CNPPD1: variants seen among roughly 807,000 people sequenced by gnomAD.
CNPPD1 encodes cyclin Pas1/PHO80 domain containing 1.
A neutral mutation model predicts 43.7 loss-of-function variants in CNPPD1; 40 were observed. The observed-to-expected ratio is 0.92, with a 90% CI of 0.71 to 1.19. The LOEUF is 1.19. Ranked by LOEUF, CNPPD1 falls within the 50% of genes most tolerant of loss-of-function variation. The pLI, the probability that CNPPD1 is intolerant of heterozygous loss-of-function variation, is 0.00. For synonymous variants in CNPPD1, 208 were observed against 214.3 expected, an observed-to-expected ratio of 0.97 and a Z score of 0.26; for missense variants, 511 against 518.5, an observed-to-expected ratio of 0.99 and a Z score of 0.14.
intron 3 of CNPPD1, 135 bp from the exon 4 acceptor site, chr2:219,175,243 G>T: frequency 8.4e-7 from 1 of 1,190,908 alleles, no homozygotes; most frequent in Non-Finnish European, 1.1e-6. Context: ...GCTCATGTCT[G>T]TAATCCCAGC....
chr2:219,176,699 C>T, intron 1 of CNPPD1, 61 bp downstream of exon 1: 4 of 1,300,482 alleles, frequency 3.1e-6, no homozygotes, highest in Non-Finnish European at 3.2e-6. Context: ...GAGCTCGCAG[C>T]GCCGCTCAGG....
intron 1 of CNPPD1, 150 bp downstream of exon 1, chr2:219,176,610 C>T (rs1400319092): frequency 4.5e-6 from 3 of 673,224 alleles, no homozygotes; most frequent in Non-Finnish European, 7.5e-6. Context: ...CGCGGCTCTC[C>T]CTCCCGGCCC....
chr2:219,174,724 G>A, intron 5 of CNPPD1, 54 bp downstream of exon 5: 2 of 1,529,254 alleles, frequency 1.3e-6, no homozygotes, highest in Middle Eastern at 1.8e-4. Context: ...AAGGACTAAA[G>A]GACGGTTAAA....
In CNPPD1 at chr2:219,172,844, G is replaced by T; in HGVS notation, c.975C>A (p.Asp325Glu). The T allele has an allele frequency of 1.3e-6, 2 of 1,588,144 alleles. No individual in the cohort carries two copies. The highest frequency in any genetic ancestry group is 1.7e-6 in the Non-Finnish European group (2 of 1,166,362). Residue 325 changes from aspartate (D) to glutamate (E), a missense_variant, in exon 8 of 8, where the codon GAC becomes GAA. Asp to Glu is a conservative substitution (Grantham distance 45). Coordinates refer to ENST00000360507, the MANE Select transcript of CNPPD1 (RefSeq NM_015680.6). ...GAAGAAGAGTGGGAGGGGCAGGGGGGTCTGGGGGAGGCAATGGTGGAGGAG... is the reference window on the plus strand; with the variant it reads ...GAAGAAGAGTGGGAGGGGCAGGGGGTTCTGGGGGAGGCAATGGTGGAGGAG... ...SLTPPPLPPPDPPAPPTLLHN... is the reference protein window; with the variant it reads ...SLTPPPLPPPEPPAPPTLLHN...
At chr2:219,175,513 G>C in intron 3 of CNPPD1, 78 bp downstream of exon 3, 1 of 1,231,048 alleles carries the variant, frequency 8.1e-7, no homozygotes, top group Non-Finnish European at 1.2e-6. Context: ...AAAAAAGAAA[G>C]AAAGAAAAGA....
upstream of CNPPD1, chr2:219,177,186 G>A (rs1950187950): frequency 4.7e-6 from 1 of 212,980 alleles, no homozygotes; most frequent in Non-Finnish European, 9.3e-6. Flanking sequence ...AGCCGCGGGG[G>A]TGCCGCCTGC....
chr2:219,172,740 G>C lies in CNPPD1; in HGVS notation c.1079C>G (p.Pro360Arg). The C allele has an allele frequency of 6.2e-7, 1 of 1,612,834 alleles. No individual in the cohort carries two copies. Among genetic ancestry groups the C allele is most frequent in the Non-Finnish European group, 8.5e-7 (1 of 1,179,308 alleles). Reference protein sequence around the residue: ...HACLHPNRTVPTALSSPWYHT... With the variant: ...HACLHPNRTVRTALSSPWYHT... Reference sequence around the variant, plus strand: ...GTACCAGGGGCTGGACAGCGCAGTGGGGACTGTACGGTTGGGGTGGAGGCA... The same window carrying C: ...GTACCAGGGGCTGGACAGCGCAGTGCGGACTGTACGGTTGGGGTGGAGGCA... The change falls in exon 8 of 8, where the codon CCC (proline) becomes CGC (arginine). Residue 360 changes from proline (P) to arginine (R), a missense_variant. By Grantham distance (103) the Pro-to-Arg change is moderately radical. Transcript: ENST00000360507.
At position 219,176,896 on chromosome 2, in the gene CNPPD1, G is replaced by C. The variant is rs867509435; in HGVS notation, c.-68C>G. On this transcript the variant is annotated 5_prime_UTR_variant, in exon 1 of 8. Coordinates refer to ENST00000360507, the MANE Select transcript of CNPPD1 (RefSeq NM_015680.6). Reference sequence around the variant, plus strand: ...CGAGTTGTAGGGGGCTCGCGGAGCTGTCCTTGCCCGCCTGTCCACCTGCCA... The same window carrying C: ...CGAGTTGTAGGGGGCTCGCGGAGCTCTCCTTGCCCGCCTGTCCACCTGCCA... 6 of 1,349,896 alleles carry C rather than the reference G, an allele frequency of 4.4e-6. No homozygotes were observed. Among genetic ancestry groups the C allele is most frequent in the Middle Eastern group, 3.6e-4 (2 of 5,528 alleles). The allele number at this position is 1,349,896 out of a possible 1,614,324, so 83.6% of individuals were successfully genotyped here.
At position 219,173,082 on chromosome 2, in the gene CNPPD1, G is replaced by A. The variant is rs766842405; in HGVS notation, c.737C>T (p.Ala246Val). ...ATGTATTACGGCCACCGATGCCACA[G>A]CCAGGGCCACACTGCTCACATATGC... The part of the protein sequence containing the change: ...AVAYVSSVAL[A>V]VASVAVIHQS... Residue 246 changes from alanine (A) to valine (V), a missense_variant, in exon 8 of 8, where the codon GCT becomes GTT. Transcript: ENST00000360507. The A allele has an allele frequency of 6.2e-7, 1 of 1,606,858 alleles. No individual in the cohort carries two copies. Among genetic ancestry groups the A allele is most frequent in the Non-Finnish European group, 8.5e-7 (1 of 1,178,814 alleles).
rs772499770 is a variant in CNPPD1, at chr2:219,172,557, C to T, written c.*29G>A. 1 of 1,612,158 alleles carries T rather than the reference C, an allele frequency of 6.2e-7. No individual in the cohort carries two copies. Among genetic ancestry groups the T allele is most frequent in the Admixed American group, 1.7e-5 (1 of 60,002 alleles). ...CTCCAGGTTCTCAGAAACTCCCAAA[C>T]CCTCTTAATGCATTCCTCACAGCCC... On this transcript the variant is annotated 3_prime_UTR_variant, in exon 8 of 8. Transcript: ENST00000360507.
At position 219,174,721 on chromosome 2, in the gene CNPPD1, A is replaced by T. The variant is rs1306801125; in HGVS notation, c.510+57T>A. The T allele has an allele frequency of 3.3e-6, 5 of 1,528,316 alleles. No individual in the cohort carries two copies. In the African/African-American group the frequency reaches 6.9e-5, roughly 21 times the overall value. 94.7% of individuals were successfully genotyped at this position (1,528,316 alleles called of 1,614,324 possible). On this transcript the variant is annotated intron_variant, in intron 5 of 7. Coordinates refer to ENST00000360507, the MANE Select transcript of CNPPD1 (RefSeq NM_015680.6). ...GAAGACTGAGAGAGAACAAAGGACT[A>T]AAGGACGGTTAAAGATGGGCCAGGG...
Position 219,174,872 on chromosome 2 carries a change from T to C in CNPPD1, c.416A>G (p.Glu139Gly). The C allele has an allele frequency of 1.2e-6, 2 of 1,614,044 alleles. No homozygotes were observed. Among genetic ancestry groups the C allele is most frequent in the Non-Finnish European group, 1.7e-6 (2 of 1,180,010 alleles). Residue 139 changes from glutamate (E) to glycine (G), a missense_variant, in exon 5 of 8, where the codon GAG (glutamate) becomes GGG (glycine). Glu to Gly is a moderately conservative substitution (Grantham distance 98). Transcript: ENST00000360507. ...VASKYLYDEG[E>G]EEEVFNDEWG... ...TTCGTCGTTGAAGACCTCCTCCTCC[T>C]CCCCTTCATCATAGAGGTACTTACT... is the stretch of plus-strand genomic sequence containing the variant.
In CNPPD1 at chr2:219,172,504, C is replaced by A; in HGVS notation, c.*82G>T. 6.8e-7 allele frequency: 1 copy of A among 1,469,770 alleles called. No individual in the cohort carries two copies. Among genetic ancestry groups the A allele is most frequent in the Admixed American group, 1.7e-5 (1 of 59,194 alleles). 91.0% of individuals were successfully genotyped at this position (1,469,770 alleles called of 1,614,324 possible). On this transcript the variant is annotated 3_prime_UTR_variant, in exon 8 of 8. Coordinates refer to ENST00000360507, the MANE Select transcript of CNPPD1 (RefSeq NM_015680.6). ...GGGACCTGCCAAGGACCCAGCGAGG[C>A]AGACAGGATCTGAATCAAGCTTTGC...
Position 219,176,884 on chromosome 2 carries a change from GC to G in CNPPD1, c.-57del. The G allele has an allele frequency of 1.4e-6, 2 of 1,439,722 alleles. No individual in the cohort carries two copies. The highest frequency in any genetic ancestry group is 2.5e-5 in the South Asian group (2 of 80,474). 89.2% of individuals were successfully genotyped at this position (1,439,722 alleles called of 1,614,324 possible). On this transcript the variant is annotated 5_prime_UTR_variant, in exon 1 of 8. Coordinates refer to ENST00000360507, the MANE Select transcript of CNPPD1 (RefSeq NM_015680.6). ...AACGGAAGGAAACGAGTTGTAGGGG[GC>G]TCGCGGAGCTGTCCTTGCCCGCCTG...
At position 219,173,524 on chromosome 2, in the gene CNPPD1, G is replaced by A; in HGVS notation, c.573-57C>T. 5 of 1,496,736 alleles carry A rather than the reference G, an allele frequency of 3.3e-6. No homozygotes were observed. In the South Asian group the frequency reaches 3.5e-5, roughly 10 times the overall value. The allele number at this position is 1,496,736 out of a possible 1,614,324, so 92.7% of individuals were successfully genotyped here. A position where few individuals can be genotyped will look rare whatever the true frequency, so the allele number is the denominator to read the frequency against. On this transcript the variant is annotated intron_variant, in intron 6 of 7. Coordinates refer to ENST00000360507, the MANE Select transcript of CNPPD1 (RefSeq NM_015680.6). The stretch of plus-strand genomic sequence containing the variant: ...CAACTGTCCTGCAGCCAGCCCAGTG[G>A]CACCCTCATACCACTCAGGACCCAC...
chr2:219,174,331 C>G, intron 5 of CNPPD1, 124 bp from the exon 6 acceptor site: 1 of 945,220 alleles, frequency 1.1e-6, no homozygotes. Context: ...TTACCATGTG[C>G]CAGATACTGT....
chr2:219,174,921 G>T lies in CNPPD1; in HGVS notation c.382-15C>A. 1.9e-6 allele frequency: 3 copies of T among 1,614,208 alleles called. No individual in the cohort carries two copies. The highest frequency in any genetic ancestry group is 2.5e-6 in the Non-Finnish European group (3 of 1,180,042). ...CTGGCCACCATCTGCAGAGGAACCA[G>T]AAGTGGTGGAGCAGAGCTCATAGCA... On this transcript the variant is annotated splice_polypyrimidine_tract_variant and intron_variant, in intron 4 of 7. Coordinates refer to ENST00000360507, the MANE Select transcript of CNPPD1 (RefSeq NM_015680.6).
At position 219,172,838 on chromosome 2, in the gene CNPPD1, AG is replaced by A. The variant is rs1192122894; in HGVS notation, c.980del (p.Pro327LeufsTer86). On this transcript the variant is annotated frameshift_variant, in exon 8 of 8. Coordinates refer to ENST00000360507, the MANE Select transcript of CNPPD1 (RefSeq NM_015680.6). LOFTEE classifies it high-confidence loss of function. ...TPPPLPPPDP[P>X]APPTLLHNCH... is the part of the protein sequence containing the mutation. ...AGTTATGAAGAAGAGTGGGAGGGGC[AG>A]GGGGGTCTGGGGGAGGCAATGGTGG... 15 of 1,534,542 alleles carry A rather than the reference AG, an allele frequency of 9.8e-6. No individual in the cohort carries two copies. The highest frequency in any genetic ancestry group is 1.2e-5 in the Non-Finnish European group (14 of 1,124,208).
rs755572335 is a variant in CNPPD1, at chr2:219,174,121, C to T, written c.572+25G>A. Reference sequence around the variant, plus strand: ...ACTCAGCCCCCAAATCCCTCGAGCCCTTCTTCCCAACTCCTAGAACCTACC... The same window carrying T: ...ACTCAGCCCCCAAATCCCTCGAGCCTTTCTTCCCAACTCCTAGAACCTACC... On this transcript the variant is annotated intron_variant, in intron 6 of 7. Transcript: ENST00000360507. 1.5e-5 allele frequency: 25 copies of T among 1,613,378 alleles called. No individual in the cohort carries two copies. In the East Asian group the frequency reaches 4.9e-4, roughly 32 times the overall value.
Sources: gnomAD v4.1 joint callset for allele counts on GRCh38, gnomAD v4.1.1 for gene constraint, MANE v1.5 for transcripts, NCBI Gene and HGNC (gene_info 2026-07-23, HGNC 2026-07-21) for gene names.